DLL3: variants seen among roughly 807,000 people sequenced by gnomAD.
The protein encoded by DLL3 is delta like canonical Notch ligand 3, also known as delta-like protein 3.
Under a neutral mutation model 55.0 loss-of-function variants are expected in DLL3, and 49 were observed. The observed-to-expected ratio is 0.89, with a 90% confidence interval of 0.71 to 1.13. The LOEUF is 1.13. Ranked by LOEUF, DLL3 falls within the 50% of genes most tolerant of loss-of-function variation. The probability of loss-of-function intolerance (pLI) is 0.00; values close to 1 mark genes in which losing one functional copy is unlikely to be tolerated. For synonymous variants in DLL3, 421 were observed against 385.2 expected, an observed-to-expected ratio of 1.09 and a Z score of -1.09; for missense variants, 962 against 875.5, an observed-to-expected ratio of 1.10 and a Z score of -1.25.
chr19:39,503,938 G>A, intron 4 of DLL3, 133 bp from the exon 5 acceptor site: 1 of 876,998 alleles, frequency 1.1e-6, no homozygotes, highest in South Asian at 1.4e-5. Context: ...ATCTAGTCCC[G>A]ATGATTATCT....
chr19:39,500,059 C>T (rs762783143), intron 2 of DLL3, among the ~76,000 whole-genome samples: 1 of 152,044 alleles, frequency 6.6e-6, no homozygotes, highest in Non-Finnish European at 1.5e-5. Context: ...ATGGGATCAT[C>T]CTGGTACCTC....
At position 39,507,254 on chromosome 19, in the gene DLL3, C is replaced by T. The variant is rs1185234367; in HGVS notation, c.1309C>T (p.Pro437Ser). ...RERADPCAAR[P>S]CAHGGRCYAH... ...GCGCGCGGACCCGTGCGCCGCGCGC[C>T]CCTGTGCTCACGGCGGCCGCTGCTA... is the stretch of plus-strand genomic sequence containing the variant. The change falls in exon 7 of 9, where the codon CCC becomes TCC. Residue 437 changes from proline to serine, a missense_variant. By Grantham distance (74) the Pro-to-Ser change is moderately conservative. Transcript: ENST00000356433. 6.6e-7 allele frequency: 1 copy of T among 1,525,416 alleles called. No individual in the cohort carries two copies. The highest frequency in any genetic ancestry group is 8.8e-7 in the Non-Finnish European group (1 of 1,142,830). The allele number at this position is 1,525,416 out of a possible 1,614,324, so 94.5% of individuals were successfully genotyped here. A position where few individuals can be genotyped will look rare whatever the true frequency, so the allele number is the denominator to read the frequency against.
At chr19:39,504,955 G>A (rs1277442658) in intron 5 of DLL3, among the ~76,000 whole-genome samples, 1 of 152,082 alleles carries the variant, frequency 6.6e-6, no homozygotes, top group African/African-American at 2.4e-5. Flanking sequence ...AAGCGAGCAG[G>A]GCAGACCAGG....
chr19:39,501,380 T>TA (rs11374685), intron 3 of DLL3, among the ~76,000 whole-genome samples: 42,887 of 152,048 alleles, frequency 0.28, 6,495 homozygotes, highest in Middle Eastern at 0.41. Context: ...CCAAGGCGAA[T>TA]ATTGAGCAGA....
intron 6 of DLL3, among the ~76,000 whole-genome samples, 194 bp from the exon 7 acceptor site, chr19:39,506,845 G>A (rs532067923): frequency 6.6e-6 from 1 of 152,282 alleles, no homozygotes; most frequent in African/African-American, 2.4e-5. Flanking sequence ...CCAAAGAGGT[G>A]GAGCTGAATT....
rs1335766222 is a variant in DLL3 at position 39,503,024 on chromosome 19, T to G, written c.619T>G (p.Cys207Gly). 6 of 1,515,648 alleles carry G rather than the reference T, an allele frequency of 4.0e-6. No homozygotes were observed. The South Asian group carries it at 4.9e-5, about 12-fold the overall frequency. 93.9% of individuals were successfully genotyped at this position (1,515,648 alleles called of 1,614,324 possible). Residue 207 changes from cysteine to glycine, a missense_variant, in exon 4 of 9, where the codon TGC becomes GGC. Physicochemically the swap from Cys to Gly is radical, Grantham distance 159. Coordinates refer to ENST00000356433, the MANE Select transcript of DLL3 (RefSeq NM_203486.3). ...GCGGTGCGGTCCGGGACTGCGCCCC[T>G]GCGCACCGCTCGAGGACGAATGTGA... ...PSRCGPGLRP[C>G]APLEDECEAP...
chr19:39,506,052 A>G (rs2079638621), intron 6 of DLL3, among the ~76,000 whole-genome samples: 1 of 152,002 alleles, frequency 6.6e-6, no homozygotes, highest in East Asian at 1.9e-4. Context: ...CTCTACTAAA[A>G]ATACAAAAAA....
At chr19:39,505,093 G>A (rs1303656822) in intron 5 of DLL3, 136 bp from the exon 6 acceptor site, 1 of 831,780 alleles carries the variant, frequency 1.2e-6, no homozygotes, top group Non-Finnish European at 2.0e-6. Flanking sequence ...GATGTCGGGA[G>A]GACCTCCCAG....
rs1197284296 is a variant in DLL3, at chr19:39,508,283, G to A, written c.*26G>A. ...CGCGTCTCCTCCATCCGCACCTGGA[G>A]TCAGAGCGTGGATTTTTGTATTTGC... is the stretch of plus-strand genomic sequence containing the variant. On this transcript the variant is annotated 3_prime_UTR_variant, in exon 9 of 9. Transcript: ENST00000356433. 3 of 1,613,874 alleles carry A rather than the reference G, an allele frequency of 1.9e-6. No individual in the cohort carries two copies. Among genetic ancestry groups the A allele is most frequent in the Admixed American group, 3.3e-5 (2 of 60,000 alleles).
Position 39,505,174 on chromosome 19 carries a change from G to T in DLL3, c.871-55G>T, listed in dbSNP as rs986849875. On this transcript the variant is annotated intron_variant, in intron 5 of 8. Transcript: ENST00000356433. ...CCCAGTGGTTAGGACTGAGGAGGGG[G>T]ATGGGATTTTTCTCCAAGGAAACAC... The T allele has an allele frequency of 4.1e-5, 65 of 1,576,374 alleles. No individual in the cohort carries two copies. The Admixed American group carries it at 1.1e-3, about 26-fold the overall frequency.
intron 3 of DLL3, among the ~76,000 whole-genome samples, chr19:39,502,235 A>G (rs2079613629): frequency 6.6e-6 from 1 of 151,498 alleles, no homozygotes; most frequent in Admixed American, 6.6e-5. Context: ...ATACAGGAGT[A>G]TTACGGTTTC....
chr19:39,503,640 A>G (rs2079623588), intron 4 of DLL3, among the ~76,000 whole-genome samples: 1 of 152,178 alleles, frequency 6.6e-6, no homozygotes, highest in African/African-American at 2.4e-5. Context: ...CAAGGCCCCT[A>G]GGACTCCCAG....
intron 8 of DLL3, 72 bp from the exon 9 acceptor site, chr19:39,508,180 T>G: frequency 6.2e-7 from 1 of 1,614,134 alleles, no homozygotes; most frequent in South Asian, 1.1e-5. Flanking sequence ...TTTCCACTGA[T>G]TGTACTCAGC....
intron 4 of DLL3, 57 bp downstream of exon 4, chr19:39,503,114 G>A (rs1366277795): frequency 2.0e-6 from 3 of 1,491,810 alleles, no homozygotes; most frequent in African/African-American, 1.4e-5. Context: ...CCCCTCCTGA[G>A]CGTCACTCGC....
chr19:39,506,174 T>C (rs12973701), intron 6 of DLL3, among the ~76,000 whole-genome samples: 5,282 of 126,928 alleles, frequency 0.042, 99 homozygotes, highest in East Asian at 0.063. Context: ...ATCATGCCAC[T>C]GCGCTCCCGC....
At chr19:39,504,437 C>T (rs1316788886) in intron 5 of DLL3, 149 bp downstream of exon 5, 3 of 895,002 alleles carry the variant, frequency 3.4e-6, no homozygotes, top group East Asian at 2.6e-5. Flanking sequence ...CAGCCGGCAT[C>T]TGGGGCCTTG....
chr19:39,507,125 G>T lies in DLL3; in HGVS notation c.1180G>T (p.Asp394Tyr), dbSNP rs1296505854. The change falls in exon 7 of 9, where the codon GAC becomes TAC. Residue 394 changes from aspartate to tyrosine, a missense_variant. Coordinates refer to ENST00000356433, the MANE Select transcript of DLL3 (RefSeq NM_203486.3). ...TCCTCGCTGCGAGCACGACCTGGAC[G>T]ACTGCGCGGGCCGCGCCTGCGCTAA... is the stretch of plus-strand genomic sequence containing the variant. ...AGPRCEHDLD[D>Y]CAGRACANGG... 6 of 1,528,766 alleles carry T rather than the reference G, an allele frequency of 3.9e-6. No individual in the cohort carries two copies. Among genetic ancestry groups the T allele is most frequent in the Admixed American group, 2.0e-5 (1 of 51,082 alleles). 94.7% of individuals were successfully genotyped at this position (1,528,766 alleles called of 1,614,324 possible).
Position 39,507,059 on chromosome 19 carries a change from G to C in DLL3, c.1114G>C (p.Gly372Arg), listed in dbSNP as rs906655863. The C allele has an allele frequency of 8.4e-6, 13 of 1,539,746 alleles. No homozygotes were observed. The highest frequency in any genetic ancestry group is 8.2e-5 in the African/African-American group (6 of 73,248). The change falls in exon 7 of 9, where the codon GGC (glycine) becomes CGC (arginine). Residue 372 changes from glycine to arginine, a missense_variant. Physicochemically the swap from Gly to Arg is moderately radical, Grantham distance 125. Transcript: ENST00000356433. ...CRNGGLCLDL[G>R]HALRCRCRAG... ...CACAGGCGGACTCTGCCTGGACCTG[G>C]GCCACGCCCTGCGCTGCCGCTGCCG...
Position 39,502,903 on chromosome 19 carries a change from C to G in DLL3, c.498C>G (p.Gly166=). The change falls in exon 4 of 9, where the codon GGC becomes GGG. Residue 166 remains glycine (G), a synonymous_variant. Coordinates refer to ENST00000356433, the MANE Select transcript of DLL3 (RefSeq NM_203486.3). ...GGGCCCGGGACATTCAGCGCGCAGG[C>G]GCCTGGGAGCTGCGCTTCTCGTACC... ...GPWARDIQRA[G]AWELRFSYRA... is the part of the protein sequence containing the mutation. 1 of 1,444,544 alleles carries G rather than the reference C, an allele frequency of 6.9e-7. No homozygotes were observed. 89.5% of individuals were successfully genotyped at this position (1,444,544 alleles called of 1,614,324 possible). A position where few individuals can be genotyped will look rare whatever the true frequency, so the allele number is the denominator to read the frequency against.
Sources: gnomAD v4.1 joint callset for allele counts (sites outside exome capture counted in the v4.1 genomes callset) on GRCh38, gnomAD v4.1.1 for gene constraint, MANE v1.5 for transcripts, NCBI Gene and HGNC (gene_info 2026-07-23, HGNC 2026-07-21) for gene names.